The following PXDNL variants were observed in gnomAD, a reference collection of about 807,000 sequenced individuals.
PXDNL encodes peroxidasin like, also known as probable oxidoreductase PXDNL.
Under a neutral mutation model 150.8 loss-of-function variants are expected in PXDNL, and 145 were observed. That is an observed-to-expected ratio of 0.96 (90% CI 0.84 to 1.10). The LOEUF is 1.10. Ranked by LOEUF, PXDNL falls within the 50% of genes least tolerant of loss-of-function variation. The probability of loss-of-function intolerance (pLI) is 0.00; values close to 1 mark genes in which losing one functional copy is unlikely to be tolerated. For synonymous variants in PXDNL, 757 were observed against 725.7 expected (o/e 1.04, Z -0.69); for missense variants, 2,087 against 1,873.9 (o/e 1.11, Z -2.10).
intron 1 of PXDNL, among the ~76,000 whole-genome samples, chr8:51,668,172 C>CTTTTTTTTTTTTTTT (rs765738861): frequency 1.9e-4 from 5 of 26,112 alleles, no homozygotes; most frequent in African/African-American, 2.1e-4. Flanking sequence ...CCTTCTCGCT[C>CTTTTTTTTTTTTTTT]TCTCTTTTTT....
intron 4 of PXDNL, among the ~76,000 whole-genome samples, chr8:51,545,769 C>A (rs59111940): frequency 0.019 from 2,826 of 152,312 alleles, 36 homozygotes; most frequent in African/African-American, 0.034. Flanking sequence ...GCACGGTCTT[C>A]TTGGTCTAAT....
chr8:51,639,418 G>T, intron 2 of PXDNL, among the ~76,000 whole-genome samples: 1 of 152,124 alleles, frequency 6.6e-6, no homozygotes, highest in East Asian at 1.9e-4. Flanking sequence ...CCAGGAGCTG[G>T]TTTTTTGAAA....
chr8:51,643,131 A>C (rs1343749684), intron 2 of PXDNL, among the ~76,000 whole-genome samples: 2 of 152,190 alleles, frequency 1.3e-5, no homozygotes, highest in Non-Finnish European at 2.9e-5. Context: ...GGTAATTTAT[A>C]GATACAATGC....
chr8:51,475,249 A>G, intron 6 of PXDNL, 108 bp from the exon 7 acceptor site: 1 of 1,082,616 alleles, frequency 9.2e-7, no homozygotes. Context: ...TGTCTGTTAC[A>G]TTTTTGACTC....
chr8:51,744,077 GGAAGGAAGGAAGGAAGGAAA>G (rs1282894325), intron 1 of PXDNL, among the ~76,000 whole-genome samples: 3 of 47,566 alleles, frequency 6.3e-5, no homozygotes, highest in African/African-American at 2.4e-4. Flanking sequence ...AAGGAAGGAA[GGAAGGAAGGAAGGAAGGAAA>G]GAAAGAAAGA....
chr8:51,401,282 C>T (rs1011721170), intron 17 of PXDNL, among the ~76,000 whole-genome samples: 1 of 152,128 alleles, frequency 6.6e-6, no homozygotes, highest in Non-Finnish European at 1.5e-5. Context: ...TACTCAAAAC[C>T]CTTGTGCTAG....
chr8:51,495,111 C>T (rs142913392), intron 5 of PXDNL, among the ~76,000 whole-genome samples: 145,129 of 151,864 alleles, frequency 0.96, 69,710 homozygotes, highest in East Asian at 1. Context: ...AAACTAGAAC[C>T]CAGGATTAAG....
At chr8:51,388,997 A>G (rs571561750) in intron 17 of PXDNL, among the ~76,000 whole-genome samples, 1 of 152,132 alleles carries the variant, frequency 6.6e-6, no homozygotes, top group East Asian at 1.9e-4. Flanking sequence ...AGTCTCTCCT[A>G]TTGTTTTAAT....
intron 21 of PXDNL, among the ~76,000 whole-genome samples, chr8:51,337,089 G>T (rs1289283964): frequency 1.3e-5 from 2 of 152,070 alleles, no homozygotes; most frequent in Non-Finnish European, 2.9e-5. Flanking sequence ...CAATTAAACA[G>T]GCAAAAACAC....
chr8:51,510,213 G>T (rs1043699129), intron 4 of PXDNL, among the ~76,000 whole-genome samples: 5 of 152,108 alleles, frequency 3.3e-5, no homozygotes, highest in Non-Finnish European at 5.9e-5. Flanking sequence ...GAGTTCCATT[G>T]TGCTCCTTGT....
intron 1 of PXDNL, among the ~76,000 whole-genome samples, chr8:51,680,268 A>G (rs556107630): frequency 1.3e-5 from 2 of 152,252 alleles, no homozygotes; most frequent in African/African-American, 4.8e-5. Flanking sequence ...TGGCTTGGGA[A>G]GAGGCTCTTG....
chr8:51,462,064 A>G (rs753857478), intron 8 of PXDNL, among the ~76,000 whole-genome samples: 11 of 152,216 alleles, frequency 7.2e-5, no homozygotes, highest in Non-Finnish European at 1.3e-4. Context: ...ATATTTAGAA[A>G]GCACACAGAA....
At chr8:51,434,823 A>G (rs1167347921) in intron 12 of PXDNL, among the ~76,000 whole-genome samples, 1 of 152,222 alleles carries the variant, frequency 6.6e-6, no homozygotes, top group Non-Finnish European at 1.5e-5. Context: ...TGCCATAGAC[A>G]CAATATATCT....
chr8:51,531,044 G>C (rs1357957555), intron 4 of PXDNL, among the ~76,000 whole-genome samples: 1 of 151,660 alleles, frequency 6.6e-6, no homozygotes, highest in African/African-American at 2.4e-5. Flanking sequence ...GTCCAAATAC[G>C]GAAAGTTACT....
chr8:51,797,278 C>T (rs2037570956), intron 1 of PXDNL, among the ~76,000 whole-genome samples: 1 of 152,164 alleles, frequency 6.6e-6, no homozygotes, highest in Non-Finnish European at 1.5e-5. Flanking sequence ...CGAGGATGTC[C>T]TCTCTCACCA....
intron 1 of PXDNL, among the ~76,000 whole-genome samples, chr8:51,774,775 G>A (rs937147476): frequency 1.3e-4 from 20 of 152,034 alleles, no homozygotes; most frequent in East Asian, 3.9e-4. Context: ...CTGAGATCAC[G>A]CCACTGCACT....
intron 2 of PXDNL, among the ~76,000 whole-genome samples, chr8:51,644,405 CATGTGTGTGTATATATATACACAT>C (rs1420065071): frequency 2.4e-5 from 2 of 82,714 alleles, no homozygotes; most frequent in Non-Finnish European, 2.6e-5. Flanking sequence ...TATATATACA[CATGTGTGTGTATATATATACACAT>C]ATGTGTGTGT....
intron 1 of PXDNL, among the ~76,000 whole-genome samples, chr8:51,757,539 A>G (rs1036629910): frequency 6.6e-6 from 1 of 152,234 alleles, no homozygotes; most frequent in Non-Finnish European, 1.5e-5. Context: ...AGTAAAAAAT[A>G]TAAACTTTCA....
intron 1 of PXDNL, among the ~76,000 whole-genome samples, chr8:51,789,866 C>G (rs1585752032): frequency 6.6e-6 from 1 of 152,198 alleles, no homozygotes; most frequent in East Asian, 1.9e-4. Context: ...TATCTTTAGA[C>G]TCAATCATTT....
Sources: allele counts gnomAD v4.1 joint callset (sites outside exome capture counted in the v4.1 genomes callset), GRCh38; gene constraint gnomAD v4.1.1; transcripts MANE v1.5; gene names NCBI Gene and HGNC (gene_info 2026-07-23, HGNC 2026-07-21).